CHAF1A: variants seen among roughly 807,000 people sequenced by gnomAD.
CHAF1A encodes chromatin assembly factor 1 subunit A.
In CHAF1A, 5 loss-of-function variants were observed where a neutral mutation model predicts 93.2. The observed-to-expected ratio is 0.05, with a 90% CI of 0.03 to 0.11. CHAF1A has a LOEUF of 0.11. Ranked by LOEUF, CHAF1A falls within the 10% of genes least tolerant of loss-of-function variation. The pLI is 1.00. For missense variants in CHAF1A, 1,102 were observed against 1,259.9 expected (o/e 0.87, Z 1.90); for synonymous variants, 504 against 510.3 (o/e 0.99, Z 0.17).
downstream of CHAF1A, chr19:4,447,007 G>A (rs992199886): frequency 2.3e-5 from 30 of 1,315,824 alleles, no homozygotes; most frequent in Non-Finnish European, 2.5e-5. Flanking sequence ...CCCGGCTCTC[G>A]CTATTGGGAG....
At chr19:4,437,538 A>G (rs1209710564) in intron 13 of CHAF1A, among the ~76,000 whole-genome samples, 2 of 151,974 alleles carry the variant, frequency 1.3e-5, no homozygotes, top group Admixed American at 1.3e-4. Context: ...TTCTGTAGAG[A>G]CAGGGTCTAT....
chr19:4,448,792 G>A (rs1049406564), downstream of CHAF1A: 23 of 247,090 alleles, frequency 9.3e-5, no homozygotes, highest in Admixed American at 5.0e-5. Context: ...CACCATGGAC[G>A]CCCCATCCCT....
intron 4 of CHAF1A, among the ~76,000 whole-genome samples, chr19:4,419,700 G>A (rs564859393): frequency 6.6e-6 from 1 of 152,246 alleles, no homozygotes; most frequent in East Asian, 1.9e-4. Flanking sequence ...CAAAGTGCTG[G>A]GACTACAGGT....
intron 1 of CHAF1A, among the ~76,000 whole-genome samples, chr19:4,403,533 A>G (rs946885611): frequency 1.3e-5 from 2 of 152,274 alleles, no homozygotes; most frequent in African/African-American, 2.4e-5. Context: ...AACGTGAACG[A>G]ATGAAGGGCT....
In CHAF1A at chr19:4,411,644, C is replaced by CTTTTT. The variant is rs66491258; in HGVS notation, c.960+1902_960+1906dup. 5.6e-3 allele frequency among the ~76,000 whole-genome samples: 272 copies of CTTTTT among 48,160 alleles called. 62 individuals are homozygous for CTTTTT. The highest frequency in any genetic ancestry group is 0.019 in the East Asian group (39 of 2,090). The allele number at this position is 48,160 out of a possible 152,430, so 31.6% of individuals were successfully genotyped here. On this transcript the variant is annotated intron_variant, in intron 3 of 14. Transcript: ENST00000301280. ...GAAATGTTGTAAAAATGGTGCAAATCTTTTTTTTTTTTTTTTTTTTTGAGA... is the reference window on the plus strand; with the variant it reads ...GAAATGTTGTAAAAATGGTGCAAATCTTTTTTTTTTTTTTTTTTTTTTTTTTGAGA...
intron 3 of CHAF1A, among the ~76,000 whole-genome samples, chr19:4,413,973 G>A (rs950571024): frequency 3.9e-5 from 6 of 152,284 alleles, no homozygotes; most frequent in Non-Finnish European, 5.9e-5. Context: ...GTTAGTGATC[G>A]AGATGATTAT....
At chr19:4,429,680 T>C in intron 9 of CHAF1A, 28 bp from the exon 10 acceptor site, 1 of 1,613,998 alleles carries the variant, frequency 6.2e-7, no homozygotes, top group African/African-American at 1.3e-5. Flanking sequence ...CAAAGACAGT[T>C]GTGAGTCCCA....
intron 3 of CHAF1A, among the ~76,000 whole-genome samples, chr19:4,417,551 C>A (rs2145092655): frequency 6.7e-6 from 1 of 149,756 alleles, no homozygotes; most frequent in Admixed American, 6.8e-5. Context: ...ACCTCCTTCT[C>A]CTGGGTTCAA....
Position 4,418,062 on chromosome 19 carries a change from C to A in CHAF1A, c.1003C>A (p.Leu335Ile). 2 of 1,604,236 alleles carry A rather than the reference C, an allele frequency of 1.2e-6. No individual in the cohort carries two copies. The highest frequency in any genetic ancestry group is 2.3e-5 in the South Asian group (2 of 88,762). The change falls in exon 4 of 15, where the codon CTC (leucine) becomes ATC (isoleucine). Residue 335 changes from leucine (L) to isoleucine (I), a missense_variant. Leu to Ile is a conservative substitution (Grantham distance 5, BLOSUM62 2). Transcript: ENST00000301280. The stretch of plus-strand genomic sequence containing the variant: ...CAAAGGCTCTACAGAGAAGAACAAG[C>A]TCAGACTGCAAAGAGTAAGACATTT... Reference protein sequence around the residue: ...FVKGSTEKNKLRLQRDQERLG... With the variant: ...FVKGSTEKNKIRLQRDQERLG...
At chr19:4,405,847 A>G in intron 1 of CHAF1A, 65 bp from the exon 2 acceptor site, 3 of 1,432,618 alleles carry the variant, frequency 2.1e-6, no homozygotes, top group Non-Finnish European at 3.0e-6. Context: ...GGCTCTACAT[A>G]TGTATTTGCT....
intron 13 of CHAF1A, among the ~76,000 whole-genome samples, chr19:4,440,960 A>G (rs552963458): frequency 6.6e-6 from 1 of 151,774 alleles, no homozygotes; most frequent in East Asian, 1.9e-4. Context: ...CTGTACTAAA[A>G]ATACAAAAGA....
intron 2 of CHAF1A, among the ~76,000 whole-genome samples, chr19:4,407,275 A>G (rs562009195): frequency 1.4e-5 from 2 of 142,640 alleles, no homozygotes; most frequent in Admixed American, 7.3e-5. Flanking sequence ...TATTTGGTCT[A>G]TTACATGATG....
rs550205543 is a variant in CHAF1A at position 4,416,140 on chromosome 19, C to T, written c.961-1880C>T. Among the ~76,000 whole-genome samples the T allele has an allele frequency of 3.9e-5, 6 of 152,200 alleles. No individual in the cohort carries two copies. The South Asian group carries it at 1.0e-3, about 26-fold the overall frequency. On this transcript the variant is annotated intron_variant, in intron 3 of 14. Transcript: ENST00000301280. ...AGTGATCCGAGATGGCGCCACTGCA[C>T]TCCAGCCTGGGCGACAGAGCGAGAC...
intron 8 of CHAF1A, chr19:4,429,114 C>CT (rs1341251071): frequency 3.4e-6 from 2 of 593,708 alleles, no homozygotes; most frequent in Admixed American, 6.0e-5. Context: ...GTGGAGGAAT[C>CT]TTATTTCCCT....
At chr19:4,448,526 G>A (rs962785379), downstream of CHAF1A, 19 of 856,732 alleles carry the variant, frequency 2.2e-5, no homozygotes, top group African/African-American at 1.0e-4. Flanking sequence ...GGCTTGGAGC[G>A]GCCCCAGCTG....
Position 4,409,448 on chromosome 19 carries a change from T to C in CHAF1A, c.649T>C (p.Cys217Arg), listed in dbSNP as rs774996487. ...CPELTSGPRM[C>R]PRKEQDSWSE... is the part of the protein sequence containing the mutation. Reference sequence around the variant, plus strand: ...GGAGCTGACGAGTGGCCCGAGAATGTGCCCCAGAAAGGAGCAGGACAGTTG... The same window carrying C: ...GGAGCTGACGAGTGGCCCGAGAATGCGCCCCAGAAAGGAGCAGGACAGTTG... The change falls in exon 3 of 15, where the codon TGC becomes CGC. Residue 217 changes from cysteine to arginine, a missense_variant. Coordinates refer to ENST00000301280, the MANE Select transcript of CHAF1A (RefSeq NM_005483.3). 1 of 1,614,016 alleles carries C rather than the reference T, an allele frequency of 6.2e-7. No homozygotes were observed. The highest frequency in any genetic ancestry group is 8.5e-7 in the Non-Finnish European group (1 of 1,179,978).
At chr19:4,442,875 G>A (rs746501132) in intron 14 of CHAF1A, 50 bp from the exon 15 acceptor site, 27 of 1,385,342 alleles carry the variant, frequency 1.9e-5, no homozygotes, top group Non-Finnish European at 2.3e-5. Context: ...TTCCCCCAGG[G>A]AGCCCAGAGG....
intron 11 of CHAF1A, among the ~76,000 whole-genome samples, chr19:4,431,612 T>G (rs1599657539): frequency 6.6e-6 from 1 of 152,018 alleles, no homozygotes; most frequent in East Asian, 1.9e-4. Flanking sequence ...TGCATGTGTC[T>G]GCCAGATGCC....
At chr19:4,429,956 G>C in intron 10 of CHAF1A, 168 bp downstream of exon 10, 1 of 619,160 alleles carries the variant, frequency 1.6e-6, no homozygotes. Flanking sequence ...CAGACTTCCA[G>C]CTTCTCTCGA....
Sources: gnomAD v4.1 joint callset for allele counts (sites outside exome capture counted in the v4.1 genomes callset) on GRCh38, gnomAD v4.1.1 for gene constraint, MANE v1.5 for transcripts, NCBI Gene and HGNC (gene_info 2026-07-23, HGNC 2026-07-21) for gene names.